Variants in SGCZ observed in about 807,000 individuals in gnomAD.
SGCZ encodes zeta-sarcoglycan.
Under a neutral mutation model 41.3 loss-of-function variants are expected in SGCZ, and 40 were observed. That is an observed-to-expected ratio of 0.97 (90% CI 0.75 to 1.26). The LOEUF (loss-of-function observed/expected upper bound fraction) is 1.26, where lower values mean the gene tolerates loss of function less well. SGCZ is among the 50% of genes most tolerant of loss of function. SGCZ has a pLI of 0.00. For synonymous variants in SGCZ, 206 were observed against 137.5 expected, an observed-to-expected ratio of 1.50 and a Z score of -3.49; for missense variants, 552 against 369.8, an observed-to-expected ratio of 1.49 and a Z score of -4.04.
At chr8:14,229,968 G>A (rs1187332172) in intron 4 of SGCZ, among the ~76,000 whole-genome samples, 2 of 152,014 alleles carry the variant, frequency 1.3e-5, no homozygotes, top group East Asian at 1.9e-4. Flanking sequence ...CTTTTTATAT[G>A]CCATAACTTG....
chr8:14,348,543 T>A (rs990271786), intron 2 of SGCZ, among the ~76,000 whole-genome samples: 2 of 152,136 alleles, frequency 1.3e-5, no homozygotes, highest in Non-Finnish European at 2.9e-5. Context: ...ATAAATTATA[T>A]CTTGTTCATC....
At chr8:14,314,532 A>G (rs1252213371) in intron 3 of SGCZ, among the ~76,000 whole-genome samples, 1 of 152,184 alleles carries the variant, frequency 6.6e-6, no homozygotes, top group African/African-American at 2.4e-5. Flanking sequence ...CATATACAAG[A>G]CAATATCTTT....
intron 1 of SGCZ, among the ~76,000 whole-genome samples, chr8:15,087,342 T>A (rs917110218): frequency 2.0e-5 from 3 of 152,108 alleles, no homozygotes; most frequent in Admixed American, 1.3e-4. Flanking sequence ...CCTGTGTACA[T>A]CTCAGCACAG....
At chr8:14,385,542 G>C (rs1204615189) in intron 2 of SGCZ, among the ~76,000 whole-genome samples, 2 of 152,146 alleles carry the variant, frequency 1.3e-5, no homozygotes, top group Admixed American at 1.3e-4. Context: ...ATAGAATGAA[G>C]TTAGAAAACA....
intron 1 of SGCZ, among the ~76,000 whole-genome samples, chr8:14,559,244 CA>C (rs1804133738): frequency 6.6e-6 from 1 of 151,996 alleles, no homozygotes; most frequent in Non-Finnish European, 1.5e-5. Flanking sequence ...AAGACCCCTC[CA>C]AAAAGCTCCT....
intron 2 of SGCZ, among the ~76,000 whole-genome samples, chr8:14,382,734 AC>A (rs763866791): frequency 3.8e-4 from 58 of 152,344 alleles, no homozygotes; most frequent in Admixed American, 9.8e-4. Flanking sequence ...AGTATTGAAT[AC>A]TTGGGTGATT....
intron 1 of SGCZ, among the ~76,000 whole-genome samples, chr8:14,659,009 G>A (rs1429991117): frequency 6.6e-6 from 1 of 152,002 alleles, no homozygotes; most frequent in Non-Finnish European, 1.5e-5. Context: ...TTACTGTTAA[G>A]TACCCAATGT....
intron 2 of SGCZ, among the ~76,000 whole-genome samples, chr8:14,461,997 A>T (rs902817187): frequency 1.3e-5 from 2 of 152,056 alleles, no homozygotes; most frequent in Admixed American, 1.3e-4. Context: ...ACTTTCAAAA[A>T]TTTACCTCAT....
chr8:14,995,037 T>C (rs1416125704), intron 1 of SGCZ, among the ~76,000 whole-genome samples: 1 of 152,250 alleles, frequency 6.6e-6, no homozygotes, highest in Non-Finnish European at 1.5e-5. Flanking sequence ...CTTAGGACCA[T>C]GAGAAATCTA....
At chr8:14,389,336 TAAAG>T (rs890564187) in intron 2 of SGCZ, among the ~76,000 whole-genome samples, 1 of 151,306 alleles carries the variant, frequency 6.6e-6, no homozygotes, top group African/African-American at 2.4e-5. Flanking sequence ...TTTTCAGAAA[TAAAG>T]AAAAATATAA....
intron 1 of SGCZ, among the ~76,000 whole-genome samples, chr8:14,648,855 T>A (rs915510499): frequency 2.6e-5 from 4 of 152,086 alleles, no homozygotes; most frequent in African/African-American, 9.7e-5. Flanking sequence ...TTCATCAGGG[T>A]CAAGTTTGGT....
intron 5 of SGCZ, among the ~76,000 whole-genome samples, chr8:14,153,137 A>G (rs1404061344): frequency 1.3e-5 from 2 of 152,218 alleles, no homozygotes; most frequent in Non-Finnish European, 2.9e-5. Context: ...ATGGTATTAC[A>G]GTTTTATAAG....
intron 2 of SGCZ, among the ~76,000 whole-genome samples, chr8:14,326,389 G>A (rs1802116928): frequency 6.6e-6 from 1 of 151,970 alleles, no homozygotes; most frequent in African/African-American, 2.4e-5. Context: ...ATACGTTATA[G>A]AAAAATTTTG....
intron 5 of SGCZ, among the ~76,000 whole-genome samples, chr8:14,142,667 C>G (rs900951414): frequency 2.0e-5 from 3 of 152,060 alleles, no homozygotes; most frequent in African/African-American, 7.2e-5. Flanking sequence ...GTGTTCCCAC[C>G]CAAATCTCAT....
At chr8:14,936,978 T>C (rs1800103047) in intron 1 of SGCZ, among the ~76,000 whole-genome samples, 1 of 151,670 alleles carries the variant, frequency 6.6e-6, no homozygotes, top group Non-Finnish European at 1.5e-5. Flanking sequence ...ATATTTCAAA[T>C]TAAAAAGTTT....
chr8:14,964,824 C>T (rs894946622), intron 1 of SGCZ, among the ~76,000 whole-genome samples: 1 of 152,048 alleles, frequency 6.6e-6, no homozygotes, highest in African/African-American at 2.4e-5. Flanking sequence ...ACCACAGAAC[C>T]CACTACTTAT....
At position 14,779,862 on chromosome 8, in the gene SGCZ, A is replaced by G. The variant is rs186212034; in HGVS notation, c.40-224936T>C. Among the ~76,000 whole-genome samples, 39 of 152,344 alleles carry G rather than the reference A, an allele frequency of 2.6e-4. No homozygotes were observed. In the East Asian group the frequency reaches 7.1e-3, roughly 28 times the overall value. On this transcript the variant is annotated intron_variant, in intron 1 of 7. Transcript: ENST00000382080. ...CATTTGATTATTAATAATTGCATTT[A>G]ATTAAATTGTTTAAAGATTACATTT...
At chr8:15,045,850 G>C (rs1475257353) in intron 1 of SGCZ, among the ~76,000 whole-genome samples, 5 of 151,836 alleles carry the variant, frequency 3.3e-5, no homozygotes, top group Non-Finnish European at 7.4e-5. Context: ...CTGGCTAAGG[G>C]GAAACAAAAT....
chr8:14,428,149 TACAC>T (rs374419236), intron 2 of SGCZ, among the ~76,000 whole-genome samples: 2 of 148,890 alleles, frequency 1.3e-5, no homozygotes, highest in East Asian at 2.0e-4. Context: ...TATATATATA[TACAC>T]ACACACACAC....
Sources: gnomAD v4.1 joint callset for allele counts (sites outside exome capture counted in the v4.1 genomes callset) on GRCh38, gnomAD v4.1.1 for gene constraint, MANE v1.5 for transcripts, NCBI Gene and HGNC (gene_info 2026-07-23, HGNC 2026-07-21) for gene names.